Variants in BIN3 observed in about 807,000 individuals in gnomAD.
BIN3 encodes bridging integrator 3.
A neutral mutation model predicts 38.2 loss-of-function variants in BIN3; 41 were observed. That is an observed-to-expected ratio of 1.07 (90% CI 0.84 to 1.39). The LOEUF is 1.39. BIN3 is among the 40% of genes most tolerant of loss of function. The pLI is 0.00. For missense variants in BIN3, 361 were observed against 324.3 expected (o/e 1.11, Z -0.87); for synonymous variants, 145 against 122.6 (o/e 1.18, Z -1.21).
chr8:22,642,670 T>C (rs1046187697), intron 2 of BIN3, among the ~76,000 whole-genome samples: 1 of 152,182 alleles, frequency 6.6e-6, no homozygotes, highest in South Asian at 2.1e-4. Flanking sequence ...CAAAGTAACA[T>C]CTGTGACACA....
At position 22,624,110 on chromosome 8, in the gene BIN3, G is replaced by A. The variant is rs1228203641; in HGVS notation, c.481-61C>T. 7.5e-6 allele frequency: 12 copies of A among 1,592,682 alleles called. No homozygotes were observed. The East Asian group carries it at 1.6e-4, about 21-fold the overall frequency. On this transcript the variant is annotated intron_variant, in intron 7 of 8. Coordinates refer to ENST00000276416, the MANE Select transcript of BIN3 (RefSeq NM_018688.6). The stretch of plus-strand genomic sequence containing the variant: ...CTGCTGGGTGCCGGATACGGGATGG[G>A]TGGGGTGGGGACGTCTGGTGTCTTG...
At position 22,630,572 on chromosome 8, in the gene BIN3, G is replaced by T. The variant is rs570768198; in HGVS notation, c.167C>A (p.Ser56Ter). The change falls in exon 5 of 9, where the codon TCA becomes TAA. Residue 56 changes from serine to a stop codon, truncating the protein, a stop_gained. Coordinates refer to ENST00000276416, the MANE Select transcript of BIN3 (RefSeq NM_018688.6). LOFTEE classifies it high-confidence loss of function. ...CAAGGATATCTTCACGGCAGATTTTGACATGGCTGTGGGAAGCCAAAGCTC... is the reference window on the plus strand; with the variant it reads ...CAAGGATATCTTCACGGCAGATTTTTACATGGCTGTGGGAAGCCAAAGCTC... ...KKSTDADLAM[S>*]KSAVKISLDL... 1 of 1,613,868 alleles carries T rather than the reference G, an allele frequency of 6.2e-7. No individual in the cohort carries two copies. The highest frequency in any genetic ancestry group is 1.1e-5 in the South Asian group (1 of 91,050).
At chr8:22,624,449 G>T in intron 6 of BIN3, 86 bp from the exon 7 acceptor site, 1 of 1,530,552 alleles carries the variant, frequency 6.5e-7, no homozygotes, top group Non-Finnish European at 8.8e-7. Context: ...GGGTGGCCTG[G>T]CTGGAGATGG....
intron 8 of BIN3, among the ~76,000 whole-genome samples, chr8:22,622,259 T>C (rs566787008): frequency 6.6e-6 from 1 of 152,310 alleles, no homozygotes; most frequent in Admixed American, 6.5e-5. Context: ...TCTGCCTCAG[T>C]TTCTACCTCA....
At chr8:22,655,509 C>T (rs1432793403) in intron 1 of BIN3, among the ~76,000 whole-genome samples, 1 of 152,182 alleles carries the variant, frequency 6.6e-6, no homozygotes, top group Non-Finnish European at 1.5e-5. Context: ...ATCCATTTGT[C>T]CCAGCACTGT....
intron 4 of BIN3, among the ~76,000 whole-genome samples, chr8:22,635,664 T>C (rs1802344513): frequency 6.6e-6 from 1 of 152,106 alleles, no homozygotes; most frequent in Non-Finnish European, 1.5e-5. Context: ...CGGATTGGCG[T>C]TACCTGTGCT....
chr8:22,640,881 G>A (rs185314738), intron 2 of BIN3, among the ~76,000 whole-genome samples: 33 of 152,254 alleles, frequency 2.2e-4, no homozygotes, highest in Admixed American at 1.6e-3. Flanking sequence ...GTCAGGGGTG[G>A]GAGCGCGTTT....
intron 1 of BIN3, among the ~76,000 whole-genome samples, chr8:22,657,485 C>A (rs1008324188): frequency 6.6e-6 from 1 of 152,180 alleles, no homozygotes; most frequent in Admixed American, 6.5e-5. Context: ...CAAAGCCTGA[C>A]GAAGTTATTG....
chr8:22,644,742 T>C lies in BIN3; in HGVS notation c.57+13A>G. 6.2e-7 allele frequency: 1 copy of C among 1,610,236 alleles called. No individual in the cohort carries two copies. Among genetic ancestry groups the C allele is most frequent in the Non-Finnish European group, 8.5e-7 (1 of 1,177,988 alleles). ...AGAACTGAATCTCACAGCAAAACAA[T>C]CGAGTTACTCACTGTTTTGGGCACA... is the stretch of plus-strand genomic sequence containing the variant. On this transcript the variant is annotated intron_variant, in intron 2 of 8. Coordinates refer to ENST00000276416, the MANE Select transcript of BIN3 (RefSeq NM_018688.6).
chr8:22,653,624 C>T (rs1284831844), intron 1 of BIN3, among the ~76,000 whole-genome samples: 1 of 152,182 alleles, frequency 6.6e-6, no homozygotes, highest in Non-Finnish European at 1.5e-5. Flanking sequence ...TTAGTTCCAT[C>T]CCCCAAAAAA....
At chr8:22,666,311 AAGGGAGACAAG>A (rs1585209804) in intron 1 of BIN3, among the ~76,000 whole-genome samples, 2 of 146,082 alleles carry the variant, frequency 1.4e-5, no homozygotes, top group East Asian at 4.3e-4. Flanking sequence ...GGAAGGGGAA[AAGGGAGACAAG>A]AGGGAGACAG....
chr8:22,654,846 A>G (rs933283467), intron 1 of BIN3, among the ~76,000 whole-genome samples: 8 of 152,202 alleles, frequency 5.3e-5, no homozygotes, highest in African/African-American at 1.7e-4. Flanking sequence ...TATATCTAGG[A>G]GCAAAACTGC....
rs145322385 is a variant in BIN3, at chr8:22,630,259, G to A, written c.297+183C>T. ...CTCGTGGAGCCTCAGGAGGCAGGTA[G>A]AGCCAAGGCAGAACAGTCTGGAAAG... On this transcript the variant is annotated intron_variant, in intron 5 of 8. Coordinates refer to ENST00000276416, the MANE Select transcript of BIN3 (RefSeq NM_018688.6). Among the ~76,000 whole-genome samples, 562 of 152,350 alleles carry A rather than the reference G, an allele frequency of 3.7e-3. 6 individuals carry two copies. The highest frequency in any genetic ancestry group is 0.013 in the African/African-American group (542 of 41,580).
chr8:22,664,214 T>TA lies in BIN3; in HGVS notation c.8+4829dup, dbSNP rs761977488. Among the ~76,000 whole-genome samples the TA allele has an allele frequency of 4.4e-4, 67 of 152,324 alleles. 4 individuals carry two copies. The highest frequency in any genetic ancestry group is 3.3e-3 in the East Asian group (17 of 5,192). ...ATTTCCTTAAAGAGTATAATACATATAACACCTCTGACTAAGTAGCTGTGG... is the reference window on the plus strand; with the variant it reads ...ATTTCCTTAAAGAGTATAATACATATAAACACCTCTGACTAAGTAGCTGTGG... On this transcript the variant is annotated intron_variant, in intron 1 of 8. Transcript: ENST00000276416.
At chr8:22,624,130 G>A (rs1401608054) in intron 7 of BIN3, 81 bp from the exon 8 acceptor site, 13 of 1,588,246 alleles carry the variant, frequency 8.2e-6, no homozygotes, top group Non-Finnish European at 1.1e-5. Flanking sequence ...GACGTCTGGT[G>A]TCTTGGTGCC....
chr8:22,629,828 A>C (rs1802127092), intron 6 of BIN3, 136 bp downstream of exon 6: 1 of 848,284 alleles, frequency 1.2e-6, no homozygotes, highest in South Asian at 1.5e-5. Flanking sequence ...CACAGAGCTG[A>C]CGTCCCCACT....
chr8:22,628,503 C>T (rs1025643129), intron 6 of BIN3, among the ~76,000 whole-genome samples: 5 of 152,296 alleles, frequency 3.3e-5, no homozygotes, highest in African/African-American at 9.6e-5. Context: ...TCAGCGGATC[C>T]GCTGCGGAGA....
chr8:22,654,754 T>C (rs1803004642), intron 1 of BIN3, among the ~76,000 whole-genome samples: 1 of 152,092 alleles, frequency 6.6e-6, no homozygotes, highest in African/African-American at 2.4e-5. Context: ...ATTGGGTTGT[T>C]TTCCCTTTTT....
chr8:22,662,052 C>T (rs531982056), intron 1 of BIN3, among the ~76,000 whole-genome samples: 1 of 152,372 alleles, frequency 6.6e-6, no homozygotes, highest in Admixed American at 6.5e-5. Context: ...GCCTCTGCCT[C>T]CCAAAGCGCT....
Sources: allele counts gnomAD v4.1 joint callset (sites outside exome capture counted in the v4.1 genomes callset), GRCh38; gene constraint gnomAD v4.1.1; transcripts MANE v1.5; gene names NCBI Gene and HGNC (gene_info 2026-07-23, HGNC 2026-07-21).